The following ATP10A variants were observed in gnomAD, a reference collection of about 807,000 sequenced individuals.
ATP10A encodes phospholipid-transporting ATPase VA.
ATP10A carries 111 observed loss-of-function variants against 147.8 expected under a neutral mutation model. The observed-to-expected ratio is 0.75, with a 90% confidence interval of 0.64 to 0.88. The LOEUF (loss-of-function observed/expected upper bound fraction) is 0.88, where lower values mean the gene tolerates loss of function less well. Among genes scored for constraint, ATP10A ranks in the 40% least tolerant of loss-of-function variants. The probability of loss-of-function intolerance (pLI) is 0.00; values close to 1 mark genes in which losing one functional copy is unlikely to be tolerated. For synonymous variants in ATP10A, 875 were observed against 841.6 expected (o/e 1.04, Z -0.69); for missense variants, 1,927 against 1,959.0 (o/e 0.98, Z 0.31).
intron 2 of ATP10A, 91 bp downstream of exon 2, chr15:25,780,927 GA>G: frequency 1.4e-6 from 2 of 1,380,114 alleles, no homozygotes; most frequent in Non-Finnish European, 1.0e-6. Context: ...TGACAGACAG[GA>G]AAATGCAGGT....
chr15:25,848,903 T>C (rs1186312619), intron 1 of ATP10A: 1 of 153,602 alleles, frequency 6.5e-6, no homozygotes, highest in African/African-American at 2.4e-5. Flanking sequence ...TCAAGCACTA[T>C]GGGGCTGACA....
chr15:25,822,186 T>C lies in ATP10A; in HGVS notation c.449+40462A>G, dbSNP rs148115341. 1.6e-4 allele frequency among the ~76,000 whole-genome samples: 24 copies of C among 152,316 alleles called. No homozygotes were observed. The East Asian group carries it at 4.4e-3, about 28-fold the overall frequency. On this transcript the variant is annotated intron_variant, in intron 1 of 20. Transcript: ENST00000555815. The stretch of plus-strand genomic sequence containing the variant: ...AAAAAAGGTCTGTATGTGTTCAGTA[T>C]AGACCCAGTGATTTTTGTCTTTAAT...
chr15:25,720,953 C>G (rs745662461), intron 7 of ATP10A, among the ~76,000 whole-genome samples: 1 of 152,166 alleles, frequency 6.6e-6, no homozygotes, highest in African/African-American at 2.4e-5. Flanking sequence ...CTGTCACAGG[C>G]AGGAAATGGA....
chr15:25,789,920 G>A (rs1890335782), intron 1 of ATP10A, among the ~76,000 whole-genome samples: 1 of 152,160 alleles, frequency 6.6e-6, no homozygotes, highest in Non-Finnish European at 1.5e-5. Context: ...TCCTGGGGGT[G>A]CAAAATCGCT....
At chr15:25,786,545 A>G (rs1890166745) in intron 1 of ATP10A, among the ~76,000 whole-genome samples, 1 of 150,662 alleles carries the variant, frequency 6.6e-6, no homozygotes, top group African/African-American at 2.4e-5. Context: ...AGAGCTTGGG[A>G]CAGGTCTTTA....
chr15:25,781,348 T>TA, intron 1 of ATP10A, 125 bp from the exon 2 acceptor site: 1 of 810,172 alleles, frequency 1.2e-6, no homozygotes, highest in Non-Finnish European at 1.9e-6. Flanking sequence ...ATTTTGATAA[T>TA]AAACAGGTGT....
downstream of ATP10A, chr15:25,677,858 C>G (rs1203086200): frequency 1.3e-5 from 2 of 152,272 alleles, no homozygotes; most frequent in African/African-American, 4.8e-5. Context: ...CCTCCATTTG[C>G]CAGTGAATGG....
intron 1 of ATP10A, among the ~76,000 whole-genome samples, chr15:25,852,527 C>T (rs1195193086): frequency 6.6e-6 from 1 of 151,852 alleles, no homozygotes; most frequent in Admixed American, 6.6e-5. Context: ...CCTCTCAATC[C>T]TCTGTCTCAC....
intron 1 of ATP10A, among the ~76,000 whole-genome samples, chr15:25,813,140 C>T (rs1891502479): frequency 6.6e-6 from 1 of 152,116 alleles, no homozygotes; most frequent in Non-Finnish European, 1.5e-5. Flanking sequence ...TTGATCAGTA[C>T]ATGCATGTGA....
intron 1 of ATP10A, among the ~76,000 whole-genome samples, chr15:25,790,034 G>A (rs1169349023): frequency 1.3e-5 from 2 of 152,200 alleles, no homozygotes; most frequent in Non-Finnish European, 2.9e-5. Flanking sequence ...AATCATGAAG[G>A]TGAGAACTCA....
chr15:25,748,315 A>G (rs946819510), intron 2 of ATP10A, among the ~76,000 whole-genome samples: 1 of 152,214 alleles, frequency 6.6e-6, no homozygotes, highest in Non-Finnish European at 1.5e-5. Flanking sequence ...ATACATTAGG[A>G]AGATGGATAT....
Position 25,714,254 on chromosome 15 carries a change from T to C in ATP10A, c.1777-13A>G, listed in dbSNP as rs1596739323. The C allele has an allele frequency of 1.9e-6, 3 of 1,598,398 alleles. No individual in the cohort carries two copies. The highest frequency in any genetic ancestry group is 2.5e-6 in the Non-Finnish European group (3 of 1,179,680). On this transcript the variant is annotated splice_polypyrimidine_tract_variant and intron_variant, in intron 9 of 20. Transcript: ENST00000555815. ...ACCTCACCCTCACCTGCAAGAGAAA[T>C]GGTCAGAAGGCAGGTGAGGGAACTG...
chr15:25,715,295 C>T (rs76324944), intron 9 of ATP10A, among the ~76,000 whole-genome samples: 1 of 152,186 alleles, frequency 6.6e-6, no homozygotes, highest in Admixed American at 6.5e-5. Context: ...GGCACCTGCA[C>T]AGCAATCCCT....
At chr15:25,842,182 C>G (rs1892838159) in intron 1 of ATP10A, among the ~76,000 whole-genome samples, 2 of 152,162 alleles carry the variant, frequency 1.3e-5, no homozygotes, top group African/African-American at 4.8e-5. Flanking sequence ...TGGAGCGGGC[C>G]TTGGGCTCCC....
intron 3 of ATP10A, among the ~76,000 whole-genome samples, chr15:25,732,438 G>T (rs966122471): frequency 6.6e-6 from 1 of 151,588 alleles, no homozygotes; most frequent in Admixed American, 6.6e-5. Flanking sequence ...ATAAACCCTA[G>T]ACCCACGGGC....
intron 10 of ATP10A, among the ~76,000 whole-genome samples, chr15:25,712,336 A>G (rs939486541): frequency 2.0e-5 from 3 of 152,182 alleles, no homozygotes; most frequent in African/African-American, 7.2e-5. Flanking sequence ...CAAGCCCGGC[A>G]AGTGCTGCGG....
chr15:25,770,296 G>C (rs1174922627), intron 2 of ATP10A, among the ~76,000 whole-genome samples: 1 of 152,190 alleles, frequency 6.6e-6, no homozygotes, highest in African/African-American at 2.4e-5. Context: ...ATCAGCCTGA[G>C]CAGCGACAGC....
chr15:25,797,433 C>T (rs1890724437), intron 1 of ATP10A, among the ~76,000 whole-genome samples: 1 of 152,130 alleles, frequency 6.6e-6, no homozygotes, highest in Non-Finnish European at 1.5e-5. Context: ...CTGCCCTGGC[C>T]CCTGGCCCCT....
chr15:25,833,887 G>A (rs1389734575), intron 1 of ATP10A, among the ~76,000 whole-genome samples: 1 of 152,056 alleles, frequency 6.6e-6, no homozygotes, highest in Non-Finnish European at 1.5e-5. Flanking sequence ...CAGGAGAAAG[G>A]AGTGAACCCG....
Sources: gnomAD v4.1 joint callset for allele counts (sites outside exome capture counted in the v4.1 genomes callset) on GRCh38, gnomAD v4.1.1 for gene constraint, MANE v1.5 for transcripts, NCBI Gene and HGNC (gene_info 2026-07-23, HGNC 2026-07-21) for gene names.